The following FAM13B variants were observed in gnomAD, a reference collection of about 807,000 sequenced individuals.
The protein encoded by FAM13B is family with sequence similarity 13 member B, also known as protein FAM13B.
Under a neutral mutation model 117.3 loss-of-function variants are expected in FAM13B, and 60 were observed. The ratio of observed to expected loss-of-function variants is 0.51; its 90% CI spans 0.42 to 0.63. The LOEUF (loss-of-function observed/expected upper bound fraction) is 0.63. Ranked by LOEUF, FAM13B falls within the 30% of genes least tolerant of loss-of-function variation. FAM13B has a pLI of 0.00. For synonymous variants in FAM13B, 332 were observed against 356.1 expected (o/e 0.93, Z 0.76); for missense variants, 972 against 1,091.9 (o/e 0.89, Z 1.55).
At chr5:137,990,079 G>C (rs1778233466) in intron 7 of FAM13B, among the ~76,000 whole-genome samples, 3 of 152,136 alleles carry the variant, frequency 2.0e-5, no homozygotes, top group African/African-American at 7.2e-5. Flanking sequence ...ATCATTTTCT[G>C]ATATTTTGCT....
At chr5:137,994,549 A>G (rs972214913) in intron 7 of FAM13B, among the ~76,000 whole-genome samples, 2 of 152,268 alleles carry the variant, frequency 1.3e-5, no homozygotes, top group African/African-American at 2.4e-5. Context: ...GGGATGTGAG[A>G]GCTAAAATAA....
chr5:137,998,671 A>G (rs1166159043), intron 7 of FAM13B, among the ~76,000 whole-genome samples: 1 of 152,256 alleles, frequency 6.6e-6, no homozygotes, highest in African/African-American at 2.4e-5. Flanking sequence ...TAAGCTCAAA[A>G]ACACCTGAAT....
chr5:137,981,077 ATTTTTTTTTTTT>A (rs56799832), intron 10 of FAM13B, among the ~76,000 whole-genome samples: 27 of 60,466 alleles, frequency 4.5e-4, no homozygotes, highest in South Asian at 1.7e-3. Flanking sequence ...ACACCTGGCT[ATTTTTTTTTTTT>A]TTTTTTTTTT....
rs115608076 is a variant in FAM13B, at chr5:137,948,986, C to T, written c.2129G>A (p.Arg710His). The change falls in exon 18 of 24, where the codon CGT (arginine) becomes CAT (histidine). Residue 710 changes from arginine to histidine, a missense_variant. Transcript: ENST00000689681. Reference sequence around the variant, plus strand: ...ATCTTCTGGAAGACACCTCTCAATACGTTTTTCTTTCAGTCTTTTAAGAAT... The same window carrying T: ...ATCTTCTGGAAGACACCTCTCAATATGTTTTTCTTTCAGTCTTTTAAGAAT... ...ELILKRLKEKRIERCLPEDIK... is the reference protein window; with the variant it reads ...ELILKRLKEKHIERCLPEDIK... The T allele has an allele frequency of 1.6e-4, 261 of 1,613,754 alleles. No homozygotes were observed. In the African/African-American group the frequency reaches 2.7e-3, roughly 16 times the overall value.
intron 7 of FAM13B, among the ~76,000 whole-genome samples, chr5:137,999,120 CTT>C (rs1187795030): frequency 8.3e-6 from 1 of 120,386 alleles, no homozygotes; most frequent in African/African-American, 2.9e-5. Flanking sequence ...TTTTTTTTGT[CTT>C]TTTTTTTTTG....
In FAM13B at chr5:137,956,500, A is replaced by G. The variant is rs760584163; in HGVS notation, c.1484T>C (p.Met495Thr). The change falls in exon 14 of 24, where the codon ATG (methionine) becomes ACG (threonine). Residue 495 changes from methionine (M) to threonine (T), a missense_variant. Physicochemically the swap from Met to Thr is moderately conservative, Grantham distance 81. Transcript: ENST00000689681. ...ITFPLIDFKT[M>T]HLQRDGEEPF... is the part of the protein sequence containing the mutation. ...ACCCTCCCCATCTCTCTGCAGATGC[A>G]TTGTTTTGAAATCAATGAGGGGAAA... The G allele has an allele frequency of 6.2e-7, 1 of 1,601,788 alleles. No homozygotes were observed. Among genetic ancestry groups the G allele is most frequent in the Non-Finnish European group, 8.5e-7 (1 of 1,173,770 alleles).
At chr5:137,986,427 C>T (rs891692955) in intron 9 of FAM13B, among the ~76,000 whole-genome samples, 4 of 9,840 alleles carry the variant, frequency 4.1e-4, no homozygotes, top group Non-Finnish European at 2.3e-3. Flanking sequence ...TTCTCATCTT[C>T]CCCCCCCCAA....
chr5:137,994,263 T>A (rs1002598352), intron 7 of FAM13B, among the ~76,000 whole-genome samples: 1 of 150,064 alleles, frequency 6.7e-6, no homozygotes, highest in Admixed American at 6.6e-5. Flanking sequence ...ACAAATCAAA[T>A]AAATAGATTT....
intron 15 of FAM13B, 145 bp from the exon 16 acceptor site, chr5:137,953,610 A>G (rs1197965420): frequency 5.0e-5 from 39 of 787,728 alleles, no homozygotes; most frequent in Non-Finnish European, 7.4e-5. Flanking sequence ...TAGTATAAAG[A>G]AACACTGTAA....
chr5:137,968,738 G>A (rs1160715817), intron 10 of FAM13B, among the ~76,000 whole-genome samples: 1 of 152,192 alleles, frequency 6.6e-6, no homozygotes, highest in Non-Finnish European at 1.5e-5. Flanking sequence ...GTGGGCGCAG[G>A]TCAGTGGGTG....
In FAM13B at chr5:138,025,306, TATATGTA is replaced by T. The variant is rs758322764; in HGVS notation, c.-202-4116_-202-4110del. Among the ~76,000 whole-genome samples, 11 of 93,922 alleles carry T rather than the reference TATATGTA, an allele frequency of 1.2e-4. 2 individuals are homozygous for T. The highest frequency in any genetic ancestry group is 6.8e-3 in the Middle Eastern group (1 of 148). 61.6% of individuals were successfully genotyped at this position (93,922 alleles called of 152,430 possible). A position where few individuals can be genotyped will look rare whatever the true frequency, so the allele number is the denominator to read the frequency against. ...ACAAAGCCATATATATATATATATA[TATATGTA>T]TTTTTTTTTTTTTTTTTTTTGAGTT... is the stretch of plus-strand genomic sequence containing the variant. On this transcript the variant is annotated intron_variant, in intron 1 of 23. Transcript: ENST00000689681.
chr5:137,961,755 C>A (rs920898161), intron 11 of FAM13B, among the ~76,000 whole-genome samples: 1 of 152,164 alleles, frequency 6.6e-6, no homozygotes, highest in South Asian at 2.1e-4. Context: ...AATCACCTTC[C>A]TAAGAAAGTT....
At chr5:138,002,664 ATTTTTTTT>A (rs70979561) in intron 7 of FAM13B, among the ~76,000 whole-genome samples, 1 of 120,334 alleles carries the variant, frequency 8.3e-6, no homozygotes, top group East Asian at 2.4e-4. Context: ...TGTTCCCTCT[ATTTTTTTT>A]TTTTTTTTTT....
intron 7 of FAM13B, among the ~76,000 whole-genome samples, chr5:137,991,905 G>A (rs1434481554): frequency 6.6e-6 from 1 of 152,158 alleles, no homozygotes; most frequent in Non-Finnish European, 1.5e-5. Flanking sequence ...GAGGAAAAGA[G>A]TGATAAATTT....
chr5:137,983,031 G>T (rs1229196504), intron 10 of FAM13B, among the ~76,000 whole-genome samples: 1 of 152,014 alleles, frequency 6.6e-6, no homozygotes, highest in East Asian at 1.9e-4. Context: ...ATGGTAGGTA[G>T]AGCCATTAGA....
At chr5:137,953,038 T>C (rs571657721) in intron 16 of FAM13B, among the ~76,000 whole-genome samples, 1 of 152,316 alleles carries the variant, frequency 6.6e-6, no homozygotes, top group Non-Finnish European at 1.5e-5. Flanking sequence ...TTGTAGTTTT[T>C]GATAGAGCAG....
intron 10 of FAM13B, among the ~76,000 whole-genome samples, chr5:137,977,899 T>C (rs1260334702): frequency 1.3e-5 from 2 of 152,190 alleles, no homozygotes; most frequent in Non-Finnish European, 2.9e-5. Context: ...TATAAGGACA[T>C]ATGAAGAAAA....
At position 137,942,490 on chromosome 5, in the gene FAM13B, A is replaced by G. The variant is rs1762154972; in HGVS notation, c.2588+385T>C. On this transcript the variant is annotated intron_variant, in intron 22 of 23. Transcript: ENST00000689681. ...ATCCTCTTGCCTCAGCCTCCCAAGT[A>G]TCTGGGACTACACGCGAACACCACC... 3 of 211,946 alleles carry G rather than the reference A, an allele frequency of 1.4e-5. No homozygotes were observed. The South Asian group carries it at 2.8e-4, about 20-fold the overall frequency. 13.1% of individuals were successfully genotyped at this position (211,946 alleles called of 1,614,324 possible).
At chr5:138,028,938 G>A (rs370047955) in intron 1 of FAM13B, among the ~76,000 whole-genome samples, 1 of 152,154 alleles carries the variant, frequency 6.6e-6, no homozygotes, top group Non-Finnish European at 1.5e-5. Context: ...AGAATCGCTC[G>A]AAGCCAGGAG....
Sources: allele counts gnomAD v4.1 joint callset (sites outside exome capture counted in the v4.1 genomes callset), GRCh38; gene constraint gnomAD v4.1.1; transcripts MANE v1.5; gene names NCBI Gene and HGNC (gene_info 2026-07-23, HGNC 2026-07-21).